ZBTB7C: variants seen among roughly 807,000 people sequenced by gnomAD.
ZBTB7C encodes the protein zinc finger and BTB domain containing 7C, also known as zinc finger and BTB domain-containing protein 7C.
In ZBTB7C, 8 loss-of-function variants were observed where a neutral mutation model predicts 25.7. That is an observed-to-expected ratio of 0.31 (90% CI 0.18 to 0.56). The LOEUF (loss-of-function observed/expected upper bound fraction) is 0.56, where lower values mean the gene tolerates loss of function less well. ZBTB7C is among the 20% of genes least tolerant of loss of function. The pLI is 0.91. For missense variants in ZBTB7C, 824 were observed against 855.2 expected (o/e 0.96, Z 0.46); for synonymous variants, 394 against 369.0 (o/e 1.07, Z -0.78).
At chr18:48,142,089 A>T (rs929359217) in intron 3 of ZBTB7C, among the ~76,000 whole-genome samples, 4 of 152,256 alleles carry the variant, frequency 2.6e-5, no homozygotes, top group African/African-American at 9.6e-5. Context: ...GTTAGTTGCC[A>T]AGGCTACATA....
intron 2 of ZBTB7C, among the ~76,000 whole-genome samples, chr18:48,280,660 C>T (rs940233088): frequency 6.6e-6 from 1 of 152,054 alleles, no homozygotes; most frequent in Non-Finnish European, 1.5e-5. Flanking sequence ...ATCCTAGACA[C>T]AAGGGTCTAT....
chr18:48,059,700 T>G (rs1030021960), intron 3 of ZBTB7C, among the ~76,000 whole-genome samples: 35 of 152,300 alleles, frequency 2.3e-4, no homozygotes, highest in African/African-American at 8.4e-4. Flanking sequence ...CCTTTCAGCT[T>G]TCCTGACACT....
chr18:48,239,388 C>G (rs1021833995), intron 2 of ZBTB7C, among the ~76,000 whole-genome samples: 9 of 152,182 alleles, frequency 5.9e-5, no homozygotes, highest in African/African-American at 7.2e-5. Context: ...AGAGGCCAAC[C>G]AACTGCTAGC....
rs567994705 is a variant in ZBTB7C, at chr18:48,107,267, C to T, written c.-16-66144G>A. 6.8e-5 allele frequency among the ~76,000 whole-genome samples: 10 copies of T among 147,608 alleles called. No individual in the cohort carries two copies. The East Asian group carries it at 1.0e-3, about 15-fold the overall frequency. On this transcript the variant is annotated intron_variant, in intron 3 of 4. Coordinates refer to ENST00000590800, the MANE Select transcript of ZBTB7C (RefSeq NM_001318841.2). ...TAGGAAGGTTCAGGAGGAAGGGAGG[C>T]GGAGAGCAGGGGTAGAGGAAGATTG...
intron 1 of ZBTB7C, among the ~76,000 whole-genome samples, chr18:48,391,324 T>TA (rs2047899083): frequency 1.3e-5 from 2 of 152,222 alleles, no homozygotes; most frequent in African/African-American, 4.8e-5. Flanking sequence ...GTTGTCAATG[T>TA]TACTCTGATC....
intron 1 of ZBTB7C, among the ~76,000 whole-genome samples, chr18:48,342,904 G>GT (rs1197339079): frequency 6.6e-6 from 1 of 152,016 alleles, no homozygotes; most frequent in African/African-American, 2.4e-5. Flanking sequence ...TAAGTTCATT[G>GT]TTTTTTACTG....
At chr18:48,372,278 A>T (rs2047406284) in intron 1 of ZBTB7C, among the ~76,000 whole-genome samples, 1 of 152,156 alleles carries the variant, frequency 6.6e-6, no homozygotes, top group South Asian at 2.1e-4. Context: ...CCACAGGAAC[A>T]TCCCAAATCA....
chr18:48,173,796 C>T (rs561872803), intron 3 of ZBTB7C, among the ~76,000 whole-genome samples: 24 of 152,380 alleles, frequency 1.6e-4, no homozygotes, highest in African/African-American at 5.8e-4. Context: ...CCAAAGTCCA[C>T]AGCCCTTCCT....
intron 4 of ZBTB7C, among the ~76,000 whole-genome samples, chr18:48,038,234 A>G (rs1275593756): frequency 6.6e-6 from 1 of 152,090 alleles, no homozygotes; most frequent in African/African-American, 2.4e-5. Flanking sequence ...CTCACTGCTA[A>G]GGGCAAGGGA....
intron 3 of ZBTB7C, among the ~76,000 whole-genome samples, chr18:48,058,791 G>T (rs571380100): frequency 6.6e-6 from 1 of 152,344 alleles, no homozygotes; most frequent in African/African-American, 2.4e-5. Flanking sequence ...CATTCACCTT[G>T]ATTTCTCCAG....
At chr18:48,399,809 C>A (rs1040965086) in intron 1 of ZBTB7C, among the ~76,000 whole-genome samples, 1 of 152,304 alleles carries the variant, frequency 6.6e-6, no homozygotes, top group African/African-American at 2.4e-5. Flanking sequence ...TCCCCACTCA[C>A]CAGAGTGCAA....
intron 2 of ZBTB7C, among the ~76,000 whole-genome samples, chr18:48,201,694 T>A (rs1178525881): frequency 1.3e-5 from 2 of 152,146 alleles, no homozygotes; most frequent in African/African-American, 4.8e-5. Context: ...TTATGAAATA[T>A]TTCAGACATA....
intron 1 of ZBTB7C, among the ~76,000 whole-genome samples, chr18:48,352,206 G>A (rs2046879393): frequency 6.6e-6 from 1 of 152,232 alleles, no homozygotes; most frequent in Non-Finnish European, 1.5e-5. Context: ...GAGCACTCTG[G>A]GGGCAGCACA....
intron 2 of ZBTB7C, among the ~76,000 whole-genome samples, chr18:48,273,803 A>T (rs950127051): frequency 6.6e-5 from 10 of 152,208 alleles, no homozygotes; most frequent in African/African-American, 2.4e-4. Context: ...ATTACCCACA[A>T]GAAATATGCC....
At position 48,076,825 on chromosome 18, in the gene ZBTB7C, C is replaced by T. The variant is rs566525101; in HGVS notation, c.-16-35702G>A. ...AAAATGCACTGCTCTGCTGAGAACC[C>T]ATGGGATTGCAGGAGAATGTAGTCA... On this transcript the variant is annotated intron_variant, in intron 3 of 4. Transcript: ENST00000590800. 274 of 517,674 alleles carry T rather than the reference C, an allele frequency of 5.3e-4. 1 individual carries two copies. In the African/African-American group the frequency reaches 5.4e-3, roughly 10 times the overall value. 32.1% of individuals were successfully genotyped at this position (517,674 alleles called of 1,614,324 possible).
At chr18:48,140,450 C>T (rs922128477) in intron 3 of ZBTB7C, among the ~76,000 whole-genome samples, 3 of 152,144 alleles carry the variant, frequency 2.0e-5, no homozygotes, top group Non-Finnish European at 4.4e-5. Context: ...AAGGTCACAC[C>T]GCCTGACATA....
chr18:48,246,762 G>A (rs375949803), intron 2 of ZBTB7C, among the ~76,000 whole-genome samples: 83 of 152,050 alleles, frequency 5.5e-4, no homozygotes, highest in African/African-American at 1.9e-3. Flanking sequence ...TGTGATGCTG[G>A]CGAAATCATC....
chr18:48,165,991 C>G (rs910263236), intron 3 of ZBTB7C, among the ~76,000 whole-genome samples: 1 of 152,196 alleles, frequency 6.6e-6, no homozygotes, highest in South Asian at 2.1e-4. Context: ...CTGCATAATA[C>G]GTTTTTCCCA....
intron 1 of ZBTB7C, chr18:48,408,361 G>A (rs2048329574): frequency 2.0e-5 from 3 of 152,282 alleles, no homozygotes; most frequent in African/African-American, 7.2e-5. Context: ...TACACACCTT[G>A]AGAGAAGACG....
Sources: gnomAD v4.1 joint callset for allele counts (sites outside exome capture counted in the v4.1 genomes callset) on GRCh38, gnomAD v4.1.1 for gene constraint, MANE v1.5 for transcripts, NCBI Gene and HGNC (gene_info 2026-07-23, HGNC 2026-07-21) for gene names.